The following TRIO variants were observed in gnomAD, a reference collection of about 807,000 sequenced individuals.
TRIO encodes the protein triple functional domain protein.
Under a neutral mutation model 351.9 loss-of-function variants are expected in TRIO, and 58 were observed. That is an observed-to-expected ratio of 0.16 (90% CI 0.13 to 0.21). The LOEUF (loss-of-function observed/expected upper bound fraction) is 0.21. Among genes scored for constraint, TRIO ranks in the 10% least tolerant of loss-of-function variants. The probability of loss-of-function intolerance (pLI) is 1.00; values close to 1 mark genes in which losing one functional copy is unlikely to be tolerated. For missense variants in TRIO, 3,201 were observed against 4,027.8 expected, an observed-to-expected ratio of 0.79 and a Z score of 5.56; for synonymous variants, 1,758 against 1,595.7, an observed-to-expected ratio of 1.10 and a Z score of -2.42.
At chr5:14,476,804 GAAA>G (rs539201269) in intron 40 of TRIO, 87 bp from the exon 41 acceptor site, 1 of 1,046,442 alleles carries the variant, frequency 9.6e-7, no homozygotes, top group Non-Finnish European at 1.4e-6. Context: ...AAAAAAAAAA[GAAA>G]AAAAGAAAAA....
At chr5:14,435,055 T>C (rs1751472313) in intron 34 of TRIO, among the ~76,000 whole-genome samples, 1 of 152,242 alleles carries the variant, frequency 6.6e-6, no homozygotes, top group Non-Finnish European at 1.5e-5. Context: ...CGTCTCCCTG[T>C]CGGTGTGTGG....
At chr5:14,337,509 TTGA>T (rs1379543620) in intron 11 of TRIO, among the ~76,000 whole-genome samples, 1 of 152,176 alleles carries the variant, frequency 6.6e-6, no homozygotes, top group African/African-American at 2.4e-5. Context: ...GATGCAGCTC[TTGA>T]TGAACTGGAA....
intron 16 of TRIO, 142 bp from the exon 17 acceptor site, chr5:14,368,566 C>A: frequency 1.2e-6 from 1 of 846,054 alleles, no homozygotes; most frequent in Non-Finnish European, 1.7e-6. Context: ...GTCTGCTGTG[C>A]TTTTAGAAGC....
chr5:14,178,025 G>A (rs1789512670), intron 1 of TRIO, among the ~76,000 whole-genome samples: 1 of 152,166 alleles, frequency 6.6e-6, no homozygotes, highest in African/African-American at 2.4e-5. Context: ...TTTGTCATGT[G>A]TTTGGCTTTT....
intron 1 of TRIO, among the ~76,000 whole-genome samples, chr5:14,185,467 A>C (rs762060523): frequency 3.9e-5 from 6 of 152,218 alleles, no homozygotes; most frequent in Non-Finnish European, 8.8e-5. Context: ...GCTGGCTCTG[A>C]GCAGGCTCCC....
At chr5:14,362,029 G>A (rs1481420856) in intron 13 of TRIO, among the ~76,000 whole-genome samples, 3 of 152,150 alleles carry the variant, frequency 2.0e-5, no homozygotes, top group Non-Finnish European at 2.9e-5. Flanking sequence ...CAGGAGAATT[G>A]CTTGAACCCC....
intron 34 of TRIO, among the ~76,000 whole-genome samples, chr5:14,450,089 C>T (rs1036071521): frequency 3.3e-5 from 5 of 152,156 alleles, no homozygotes; most frequent in East Asian, 1.9e-4. Flanking sequence ...TCAGAAACGA[C>T]GCTGAGAATA....
At chr5:14,160,372 G>T (rs1466548187) in intron 1 of TRIO, among the ~76,000 whole-genome samples, 1 of 152,192 alleles carries the variant, frequency 6.6e-6, no homozygotes, top group African/African-American at 2.4e-5. Flanking sequence ...ATTATTTAGT[G>T]CTTGAAGTGG....
intron 9 of TRIO, among the ~76,000 whole-genome samples, chr5:14,328,492 G>A (rs893019633): frequency 2.0e-5 from 3 of 152,114 alleles, no homozygotes; most frequent in Admixed American, 1.3e-4. Flanking sequence ...CTCAATACAC[G>A]AGTTAAAATA....
intron 1 of TRIO, among the ~76,000 whole-genome samples, chr5:14,245,463 A>G (rs1794379659): frequency 6.6e-6 from 1 of 152,218 alleles, no homozygotes. Flanking sequence ...TAGATGAAGA[A>G]AAGAAAGGCT....
chr5:14,188,683 T>C (rs1790278059), intron 1 of TRIO, among the ~76,000 whole-genome samples: 1 of 152,232 alleles, frequency 6.6e-6, no homozygotes, highest in African/African-American at 2.4e-5. Flanking sequence ...AGGAGAAAGA[T>C]AAGCATGCCA....
intron 15 of TRIO, 128 bp downstream of exon 15, chr5:14,364,944 T>C (rs1744466270): frequency 1.1e-5 from 13 of 1,206,524 alleles, no homozygotes; most frequent in East Asian, 5.3e-5. Context: ...TTTCCTGATA[T>C]GTAAGATAAT....
chr5:14,498,539 T>C lies in TRIO; in HGVS notation c.8231T>C (p.Leu2744Pro), dbSNP rs1012969286. The C allele has an allele frequency of 9.9e-6, 16 of 1,614,146 alleles. No homozygotes were observed. Among genetic ancestry groups the C allele is most frequent in the Non-Finnish European group, 1.4e-5 (16 of 1,179,976 alleles). ...ISYSDLGEATLKIVGVTTEDD... is the reference protein window; with the variant it reads ...ISYSDLGEATPKIVGVTTEDD... ...CGCAGTGACCTGGGAGAGGCCACGC[T>C]GAAGATTGTGGGCGTGACCACGGAA... The change falls in exon 53 of 57, where the codon CTG becomes CCG. Residue 2744 changes from leucine to proline, a missense_variant. By Grantham distance (98) the Leu-to-Pro change is moderately conservative (BLOSUM62 -3). Coordinates refer to ENST00000344204, the MANE Select transcript of TRIO (RefSeq NM_007118.4).
intron 34 of TRIO, among the ~76,000 whole-genome samples, chr5:14,438,950 G>A (rs1328579710): frequency 6.6e-6 from 1 of 152,162 alleles, no homozygotes; most frequent in Non-Finnish European, 1.5e-5. Flanking sequence ...CCCAGAAGGC[G>A]TCTTCCTTCC....
chr5:14,369,341 C>T, intron 17 of TRIO, 33 bp from the exon 18 acceptor site: 2 of 1,573,526 alleles, frequency 1.3e-6, no homozygotes, highest in Non-Finnish European at 1.7e-6. Context: ...TGGCAGATGC[C>T]AAGTCTGAGC....
intron 1 of TRIO, among the ~76,000 whole-genome samples, chr5:14,249,605 A>T (rs150092237): frequency 1.9e-3 from 284 of 152,336 alleles, no homozygotes; most frequent in African/African-American, 6.6e-3. Flanking sequence ...GATGGAGAGC[A>T]GCTATAAAGG....
chr5:14,443,432 A>G (rs1461087388), intron 34 of TRIO, among the ~76,000 whole-genome samples: 2 of 152,186 alleles, frequency 1.3e-5, no homozygotes, highest in African/African-American at 4.8e-5. Flanking sequence ...TAATATTCTG[A>G]TTTTACCTAT....
intron 1 of TRIO, among the ~76,000 whole-genome samples, chr5:14,160,466 G>A (rs972356035): frequency 6.6e-6 from 1 of 152,156 alleles, no homozygotes. Context: ...CTTGAGTAAC[G>A]TCAACATGCC....
chr5:14,474,315 C>T (rs999119249), intron 40 of TRIO, among the ~76,000 whole-genome samples: 3 of 152,098 alleles, frequency 2.0e-5, no homozygotes, highest in African/African-American at 4.8e-5. Flanking sequence ...TGGTCCATGT[C>T]GAGAGTCTGT....
Sources: gnomAD v4.1 joint callset for allele counts (sites outside exome capture counted in the v4.1 genomes callset) on GRCh38, gnomAD v4.1.1 for gene constraint, MANE v1.5 for transcripts, NCBI Gene and HGNC (gene_info 2026-07-23, HGNC 2026-07-21) for gene names.